Variants in RUNDC3B observed in about 807,000 individuals in gnomAD.
RUNDC3B encodes the protein RUN domain-containing protein 3B.
RUNDC3B carries 33 observed loss-of-function variants against 58.4 expected under a neutral mutation model. That is an observed-to-expected ratio of 0.56 (90% CI 0.43 to 0.75). RUNDC3B has a LOEUF of 0.75. RUNDC3B is among the 30% of genes least tolerant of loss of function. The probability of loss-of-function intolerance (pLI) is 0.00; values close to 1 mark genes in which losing one functional copy is unlikely to be tolerated. For missense variants in RUNDC3B, 501 were observed against 535.7 expected (o/e 0.94, Z 0.64); for synonymous variants, 193 against 195.2 (o/e 0.99, Z 0.10).
intron 4 of RUNDC3B, among the ~76,000 whole-genome samples, chr7:87,712,122 T>G (rs1244421474): frequency 1.3e-5 from 2 of 152,134 alleles, no homozygotes; most frequent in African/African-American, 4.8e-5. Context: ...CTTTTAATTT[T>G]GAGATACAAA....
intron 6 of RUNDC3B, among the ~76,000 whole-genome samples, chr7:87,756,402 A>AATC (rs1239654736): frequency 6.6e-6 from 1 of 152,156 alleles, no homozygotes; most frequent in East Asian, 1.9e-4. Context: ...AATCTAAGTG[A>AATC]ATCATTATCT....
chr7:87,726,382 G>A lies in RUNDC3B; in HGVS notation c.459-13409G>A, dbSNP rs189231627. On this transcript the variant is annotated intron_variant, in intron 4 of 10. Transcript: ENST00000394654. ...CCCATTGCTGGTTTTTGTCAGGTTC[G>A]TCAAAGATCAGATGGTTGTAGATAT... Among the ~76,000 whole-genome samples the A allele has an allele frequency of 7.3e-3, 1,115 of 152,206 alleles. 12 individuals are homozygous for A. Among genetic ancestry groups the A allele is most frequent in the African/African-American group, 0.024 (976 of 41,508 alleles).
chr7:87,667,580 C>T (rs957246378), intron 2 of RUNDC3B, among the ~76,000 whole-genome samples: 4 of 151,984 alleles, frequency 2.6e-5, no homozygotes, highest in Non-Finnish European at 4.4e-5. Context: ...AGGGGAAATG[C>T]GTCTGGCTTT....
intron 4 of RUNDC3B, among the ~76,000 whole-genome samples, chr7:87,711,800 C>A (rs1419542466): frequency 6.6e-6 from 1 of 152,144 alleles, no homozygotes; most frequent in African/African-American, 2.4e-5. Flanking sequence ...TTTTCCTCAT[C>A]ACAGAAGGTT....
chr7:87,796,920 G>T (rs79200130), intron 8 of RUNDC3B, among the ~76,000 whole-genome samples: 1 of 152,152 alleles, frequency 6.6e-6, no homozygotes, highest in Admixed American at 6.5e-5. Context: ...ACAATGGTTC[G>T]TAACTCAACT....
At chr7:87,798,985 T>C (rs1219943749) in intron 8 of RUNDC3B, among the ~76,000 whole-genome samples, 1 of 152,078 alleles carries the variant, frequency 6.6e-6, no homozygotes, top group African/African-American at 2.4e-5. Flanking sequence ...AAAAAGAAAA[T>C]AACACGAATG....
intron 6 of RUNDC3B, among the ~76,000 whole-genome samples, chr7:87,762,370 C>G (rs894088029): frequency 6.6e-6 from 1 of 151,098 alleles, no homozygotes. Context: ...ATTTTAAATG[C>G]TTTGTTTACA....
At chr7:87,649,684 T>C (rs1823379834) in intron 1 of RUNDC3B, among the ~76,000 whole-genome samples, 2 of 152,186 alleles carry the variant, frequency 1.3e-5, no homozygotes, top group African/African-American at 4.8e-5. Flanking sequence ...CATAAAAATT[T>C]TGGATGTTGA....
intron 10 of RUNDC3B, among the ~76,000 whole-genome samples, chr7:87,822,056 TAAAGAGCTTCTGCACAGCA>T (rs1446723956): frequency 3.3e-5 from 5 of 151,978 alleles, no homozygotes; most frequent in South Asian, 2.1e-4. Context: ...CTAATTAAAC[TAAAGAGCTTCTGCACAGCA>T]AAAGAAACTA....
intron 8 of RUNDC3B, among the ~76,000 whole-genome samples, chr7:87,791,231 A>G (rs1165278086): frequency 6.6e-6 from 1 of 152,140 alleles, no homozygotes; most frequent in African/African-American, 2.4e-5. Context: ...TAGTATATCC[A>G]ATGAAAATAT....
At chr7:87,799,723 C>A (rs1836022577) in intron 8 of RUNDC3B, among the ~76,000 whole-genome samples, 1 of 151,850 alleles carries the variant, frequency 6.6e-6, no homozygotes, top group African/African-American at 2.4e-5. Flanking sequence ...CCCGTCTCTA[C>A]TAAAAGTACA....
chr7:87,667,218 A>G (rs940745358), intron 2 of RUNDC3B, among the ~76,000 whole-genome samples: 1 of 152,000 alleles, frequency 6.6e-6, no homozygotes, highest in Non-Finnish European at 1.5e-5. Context: ...GGGTAGCTGT[A>G]TTGCTATGAA....
chr7:87,768,126 G>A (rs760634546), intron 6 of RUNDC3B, among the ~76,000 whole-genome samples: 13 of 152,216 alleles, frequency 8.5e-5, no homozygotes, highest in Non-Finnish European at 1.8e-4. Flanking sequence ...GTCTCCAAGT[G>A]TGCCTGTGTC....
chr7:87,672,683 C>T (rs562642642), intron 2 of RUNDC3B, among the ~76,000 whole-genome samples: 83 of 152,202 alleles, frequency 5.5e-4, no homozygotes, highest in African/African-American at 1.9e-3. Flanking sequence ...TCTGTGAGAC[C>T]GAAGGCCCTG....
chr7:87,818,929 C>A (rs1021816665), intron 10 of RUNDC3B, among the ~76,000 whole-genome samples: 1 of 152,110 alleles, frequency 6.6e-6, no homozygotes, highest in Admixed American at 6.5e-5. Context: ...AAACAAACAA[C>A]AACAACAACA....
At chr7:87,807,597 A>G in intron 9 of RUNDC3B, 78 bp downstream of exon 9, 1 of 1,053,530 alleles carries the variant, frequency 9.5e-7, no homozygotes, top group South Asian at 1.3e-5. Context: ...TTGGTTTCTC[A>G]GTTATTCTTT....
rs537941264 is a variant in RUNDC3B, at chr7:87,642,275, T to C, written c.123-8547T>C. 2.6e-5 allele frequency among the ~76,000 whole-genome samples: 4 copies of C among 152,214 alleles called. No homozygotes were observed. The South Asian group carries it at 8.3e-4, about 32-fold the overall frequency. On this transcript the variant is annotated intron_variant, in intron 1 of 10. Transcript: ENST00000394654. ...TTGCATAGACAGAAACTGGGACCTTTCATTTTCGTAGCATTCTAGTGTTGA... is the reference window on the plus strand; with the variant it reads ...TTGCATAGACAGAAACTGGGACCTTCCATTTTCGTAGCATTCTAGTGTTGA...
At chr7:87,694,593 T>C (rs1828327120) in intron 2 of RUNDC3B, among the ~76,000 whole-genome samples, 1 of 152,200 alleles carries the variant, frequency 6.6e-6, no homozygotes, top group Admixed American at 6.5e-5. Context: ...CAATTTTATC[T>C]GTTTTATGTT....
In RUNDC3B at chr7:87,826,388, C is replaced by G. The variant is rs560485958; in HGVS notation, c.1226-3497C>G. On this transcript the variant is annotated intron_variant, in intron 10 of 10. Transcript: ENST00000394654. ...CATGATCATGAGGCTTCCCCAGTCA[C>G]GTGAAGTGTGAATCCATTAAACCTC... Among the ~76,000 whole-genome samples the G allele has an allele frequency of 5.6e-5, 8 of 144,014 alleles. No individual in the cohort carries two copies. The East Asian group carries it at 6.0e-4, about 11-fold the overall frequency. 94.5% of individuals were successfully genotyped at this position (144,014 alleles called of 152,430 possible).
Sources: gnomAD v4.1 joint callset for allele counts (sites outside exome capture counted in the v4.1 genomes callset) on GRCh38, gnomAD v4.1.1 for gene constraint, MANE v1.5 for transcripts, NCBI Gene and HGNC (gene_info 2026-07-23, HGNC 2026-07-21) for gene names.